The following SLC10A7 variants were observed in gnomAD, a reference collection of about 807,000 sequenced individuals.
SLC10A7 encodes solute carrier family 10 member 7.
Under a neutral mutation model 43.2 loss-of-function variants are expected in SLC10A7, and 29 were observed. That is an observed-to-expected ratio of 0.67 (90% CI 0.50 to 0.92). SLC10A7 has a LOEUF of 0.92. SLC10A7 is among the 40% of genes least tolerant of loss of function. The probability of loss-of-function intolerance (pLI) is 0.00; values close to 1 mark genes in which losing one functional copy is unlikely to be tolerated. For missense variants in SLC10A7, 295 were observed against 403.2 expected, an observed-to-expected ratio of 0.73 and a Z score of 2.30; for synonymous variants, 152 against 144.8, an observed-to-expected ratio of 1.05 and a Z score of -0.35.
chr4:146,449,308 G>A (rs1486831867), intron 4 of SLC10A7, among the ~76,000 whole-genome samples: 1 of 152,156 alleles, frequency 6.6e-6, no homozygotes, highest in Non-Finnish European at 1.5e-5. Flanking sequence ...TAAGCAGTTG[G>A]ACAAAGTATA....
At chr4:146,501,345 TA>T (rs1243574100) in intron 4 of SLC10A7, among the ~76,000 whole-genome samples, 1 of 152,194 alleles carries the variant, frequency 6.6e-6, no homozygotes, top group Non-Finnish European at 1.5e-5. Context: ...GATCTTTACC[TA>T]TGTGGCTGAC....
chr4:146,268,055 G>C (rs1321739920), intron 10 of SLC10A7, among the ~76,000 whole-genome samples: 1 of 152,114 alleles, frequency 6.6e-6, no homozygotes, highest in East Asian at 1.9e-4. Flanking sequence ...AATCCACACA[G>C]GACGTGTCAG....
chr4:146,455,886 A>T (rs999394424), intron 4 of SLC10A7, among the ~76,000 whole-genome samples: 2 of 151,982 alleles, frequency 1.3e-5, no homozygotes, highest in East Asian at 3.9e-4. Context: ...AGTTTTTTCT[A>T]ATGTTAGGTC....
At chr4:146,377,849 T>TA (rs1248156787) in intron 5 of SLC10A7, among the ~76,000 whole-genome samples, 3 of 151,860 alleles carry the variant, frequency 2.0e-5, no homozygotes, top group Non-Finnish European at 1.5e-5. Context: ...ATCTTTTGAA[T>TA]AAAAAAAATA....
intron 4 of SLC10A7, among the ~76,000 whole-genome samples, chr4:146,463,153 G>C (rs1258037248): frequency 2.0e-5 from 3 of 152,052 alleles, no homozygotes. Context: ...TAAAATGCAA[G>C]CGATGAAAAT....
intron 4 of SLC10A7, among the ~76,000 whole-genome samples, chr4:146,469,293 A>G (rs1384039443): frequency 6.6e-6 from 1 of 152,224 alleles, no homozygotes; most frequent in African/African-American, 2.4e-5. Flanking sequence ...TGGTCAGGAG[A>G]GGTAGAAGCT....
At chr4:146,366,312 A>G (rs2149771319) in intron 5 of SLC10A7, among the ~76,000 whole-genome samples, 1 of 152,326 alleles carries the variant, frequency 6.6e-6, no homozygotes, top group South Asian at 2.1e-4. Flanking sequence ...GAAGCACTCC[A>G]TAATCAAACA....
intron 5 of SLC10A7, among the ~76,000 whole-genome samples, chr4:146,351,380 T>A (rs955671592): frequency 6.6e-6 from 1 of 152,088 alleles, no homozygotes; most frequent in African/African-American, 2.4e-5. Context: ...TATGGGACTA[T>A]GTGAAAAGGT....
At chr4:146,347,180 A>C (rs1247833039) in intron 5 of SLC10A7, among the ~76,000 whole-genome samples, 4 of 152,230 alleles carry the variant, frequency 2.6e-5, no homozygotes, top group Admixed American at 6.5e-5. Context: ...GCATGTGTGA[A>C]AGGCCTGTAG....
chr4:146,301,709 G>A (rs1731171521), intron 7 of SLC10A7, among the ~76,000 whole-genome samples: 2 of 152,132 alleles, frequency 1.3e-5, no homozygotes. Context: ...GTGACTGCCT[G>A]GATGTAAAGG....
At chr4:146,383,090 T>A (rs1449982785) in intron 5 of SLC10A7, among the ~76,000 whole-genome samples, 3 of 152,132 alleles carry the variant, frequency 2.0e-5, no homozygotes, top group African/African-American at 7.2e-5. Context: ...TGCAGCCTCA[T>A]CACACAATAA....
At chr4:146,259,008 T>C (rs1309457952) in intron 10 of SLC10A7, among the ~76,000 whole-genome samples, 171 bp from the exon 11 acceptor site, 1 of 152,238 alleles carries the variant, frequency 6.6e-6, no homozygotes, top group East Asian at 1.9e-4. Flanking sequence ...CTTTCCATCT[T>C]TCTTTCATGA....
Position 146,289,491 on chromosome 4 carries a change from A to G in SLC10A7, c.773+3438T>C, listed in dbSNP as rs530132033. ...TTTATATATTTTTAAAAGATTTCCA[A>G]TTACTGCTTTCCTTTTCTAAGCTTT... On this transcript the variant is annotated intron_variant, in intron 9 of 11. Transcript: ENST00000335472. Among the ~76,000 whole-genome samples the G allele has an allele frequency of 2.0e-5, 3 of 152,042 alleles. No individual in the cohort carries two copies. In the South Asian group the frequency reaches 6.2e-4, roughly 32 times the overall value.
At chr4:146,382,782 T>G (rs546247895) in intron 5 of SLC10A7, among the ~76,000 whole-genome samples, 1 of 152,282 alleles carries the variant, frequency 6.6e-6, no homozygotes, top group Non-Finnish European at 1.5e-5. Flanking sequence ...TCTTATAAAA[T>G]TGTCACCTTG....
intron 4 of SLC10A7, among the ~76,000 whole-genome samples, chr4:146,490,666 ACT>A (rs1313282580): frequency 1.3e-5 from 2 of 152,114 alleles, no homozygotes; most frequent in Non-Finnish European, 2.9e-5. Flanking sequence ...TTAAGCATAC[ACT>A]CTGAATAATT....
At chr4:146,406,107 C>G (rs1394423748) in intron 5 of SLC10A7, among the ~76,000 whole-genome samples, 1 of 152,138 alleles carries the variant, frequency 6.6e-6, no homozygotes, top group Non-Finnish European at 1.5e-5. Flanking sequence ...TGGAAAACTA[C>G]TTCCAGTCTG....
intron 4 of SLC10A7, among the ~76,000 whole-genome samples, chr4:146,485,048 C>T (rs1734793715): frequency 6.6e-6 from 1 of 152,142 alleles, no homozygotes; most frequent in East Asian, 1.9e-4. Flanking sequence ...TTCTACTATC[C>T]CACCTCATCC....
chr4:146,276,296 G>A (rs1446166735), intron 10 of SLC10A7, among the ~76,000 whole-genome samples: 1 of 152,092 alleles, frequency 6.6e-6, no homozygotes, highest in Non-Finnish European at 1.5e-5. Flanking sequence ...TTTCCCTTCT[G>A]ATAAAGTTGT....
intron 9 of SLC10A7, among the ~76,000 whole-genome samples, chr4:146,286,828 A>G (rs920170011): frequency 0.1 from 998 of 9,730 alleles, no homozygotes; most frequent in African/African-American, 0.24. Flanking sequence ...GTTTGGAGTG[A>G]TGAGAAGGAC....
Sources: allele counts gnomAD v4.1 joint callset (sites outside exome capture counted in the v4.1 genomes callset), GRCh38; gene constraint gnomAD v4.1.1; transcripts MANE v1.5; gene names NCBI Gene and HGNC (gene_info 2026-07-23, HGNC 2026-07-21).